PTPRG: variants seen among roughly 807,000 people sequenced by gnomAD.
PTPRG encodes the protein receptor-type tyrosine-protein phosphatase gamma.
A neutral mutation model predicts 165.3 loss-of-function variants in PTPRG; 102 were observed. That is an observed-to-expected ratio of 0.62 (90% confidence interval 0.53 to 0.73). The LOEUF (loss-of-function observed/expected upper bound fraction) is 0.73. Ranked by LOEUF, PTPRG falls within the 30% of genes least tolerant of loss-of-function variation. The pLI, the probability that PTPRG is intolerant of heterozygous loss-of-function variation, is 0.00. For missense variants in PTPRG, 1,866 were observed against 1,861.4 expected (o/e 1.00, Z -0.05); for synonymous variants, 675 against 669.5 (o/e 1.01, Z -0.13).
At chr3:61,801,281 G>A (rs534663033) in intron 2 of PTPRG, among the ~76,000 whole-genome samples, 4 of 150,254 alleles carry the variant, frequency 2.7e-5, no homozygotes, top group Admixed American at 2.0e-4. Flanking sequence ...TGGGGAGGGT[G>A]GTGTGCGCAC....
chr3:62,168,220 A>G (rs1705074661), intron 8 of PTPRG, 57 bp downstream of exon 8: 4 of 1,478,150 alleles, frequency 2.7e-6, no homozygotes, highest in Non-Finnish European at 3.7e-6. Flanking sequence ...AAATTACTTT[A>G]AATTAAAAGG....
chr3:61,908,413 A>G (rs79718054), intron 2 of PTPRG, among the ~76,000 whole-genome samples: 5 of 140,318 alleles, frequency 3.6e-5, no homozygotes, highest in Non-Finnish European at 4.6e-5. Flanking sequence ...CAACAGAGCA[A>G]AAAAAAAAAA....
At chr3:61,920,505 C>T (rs1190681479) in intron 2 of PTPRG, among the ~76,000 whole-genome samples, 1 of 152,188 alleles carries the variant, frequency 6.6e-6, no homozygotes, top group Non-Finnish European at 1.5e-5. Flanking sequence ...AAGTAATTCT[C>T]CTGCCTCAGC....
intron 5 of PTPRG, among the ~76,000 whole-genome samples, chr3:62,122,575 C>G (rs1703116825): frequency 6.6e-6 from 1 of 152,198 alleles, no homozygotes. Flanking sequence ...CACTCTGTGA[C>G]TTGTTCAGTG....
chr3:62,081,007 C>T (rs945827168), intron 5 of PTPRG, among the ~76,000 whole-genome samples: 119 of 152,098 alleles, frequency 7.8e-4, no homozygotes, highest in Middle Eastern at 3.4e-3. Flanking sequence ...CCTGTAATCC[C>T]AGCACTTTGG....
At chr3:61,615,866 C>T (rs138758188) in intron 1 of PTPRG, among the ~76,000 whole-genome samples, 5 of 152,216 alleles carry the variant, frequency 3.3e-5, no homozygotes, top group East Asian at 1.9e-4. Context: ...TGTACTCTGC[C>T]GGCCCTGGCT....
At chr3:61,990,388 A>G (rs1322773087) in intron 3 of PTPRG, among the ~76,000 whole-genome samples, 1 of 152,322 alleles carries the variant, frequency 6.6e-6, no homozygotes, top group Non-Finnish European at 1.5e-5. Context: ...ATTACTTCCG[A>G]GTACAGATGA....
intron 4 of PTPRG, among the ~76,000 whole-genome samples, chr3:62,056,384 C>A (rs554792732): frequency 1.3e-5 from 2 of 152,134 alleles, no homozygotes; most frequent in Non-Finnish European, 2.9e-5. Context: ...TGTGGCCCAA[C>A]ACAAATTTGT....
chr3:62,249,100 G>A (rs1701353170), intron 15 of PTPRG, among the ~76,000 whole-genome samples: 1 of 152,026 alleles, frequency 6.6e-6, no homozygotes, highest in African/African-American at 2.4e-5. Flanking sequence ...TTTTATGGCA[G>A]GAAATAAAAT....
At chr3:61,630,551 C>A (rs957266254) in intron 1 of PTPRG, among the ~76,000 whole-genome samples, 1 of 152,032 alleles carries the variant, frequency 6.6e-6, no homozygotes, top group South Asian at 2.1e-4. Context: ...TTCTGTTTTT[C>A]TTTGGAGAGC....
At chr3:62,123,735 C>G (rs950206539) in intron 5 of PTPRG, among the ~76,000 whole-genome samples, 1 of 152,072 alleles carries the variant, frequency 6.6e-6, no homozygotes, top group Non-Finnish European at 1.5e-5. Flanking sequence ...CAAGGTTTCA[C>G]TTAAATAGAT....
At chr3:61,579,289 T>A (rs1700231131) in intron 1 of PTPRG, among the ~76,000 whole-genome samples, 1 of 152,196 alleles carries the variant, frequency 6.6e-6, no homozygotes, top group Non-Finnish European at 1.5e-5. Context: ...TCTCCCCGTG[T>A]CCCTTCATGG....
chr3:61,917,540 A>C (rs1016508656), intron 2 of PTPRG, among the ~76,000 whole-genome samples: 1 of 152,214 alleles, frequency 6.6e-6, no homozygotes, highest in East Asian at 1.9e-4. Context: ...ATGTGTCAGC[A>C]TTCAGAGGGT....
intron 8 of PTPRG, among the ~76,000 whole-genome samples, chr3:62,186,345 C>T (rs1358367415): frequency 1.3e-5 from 2 of 152,164 alleles, no homozygotes; most frequent in East Asian, 1.9e-4. Flanking sequence ...GTCAGAGAAA[C>T]GCGAGCCCCT....
chr3:62,088,676 G>A (rs1701830135), intron 5 of PTPRG, among the ~76,000 whole-genome samples: 1 of 152,168 alleles, frequency 6.6e-6, no homozygotes, highest in African/African-American at 2.4e-5. Flanking sequence ...AGTAAACAGA[G>A]GTAAGAAGGT....
chr3:61,816,920 T>C (rs1331729943), intron 2 of PTPRG, among the ~76,000 whole-genome samples: 2 of 147,046 alleles, frequency 1.4e-5, no homozygotes, highest in Non-Finnish European at 3.0e-5. Flanking sequence ...TAAAATGAAA[T>C]GAAATATAAT....
chr3:61,562,611 C>G (rs6445224), intron 1 of PTPRG, among the ~76,000 whole-genome samples: 15 of 145,340 alleles, frequency 1.0e-4, no homozygotes, highest in South Asian at 2.2e-4. Context: ...CTGGGGGACG[C>G]GGGGGTCTGC....
chr3:61,912,820 A>G (rs2038836848), intron 2 of PTPRG, among the ~76,000 whole-genome samples: 2 of 152,120 alleles, frequency 1.3e-5, no homozygotes, highest in African/African-American at 4.8e-5. Context: ...ATTTTAGTTT[A>G]CTGGCAGGAA....
chr3:62,184,934 A>C (rs1016717958), intron 8 of PTPRG, among the ~76,000 whole-genome samples: 2 of 151,736 alleles, frequency 1.3e-5, no homozygotes, highest in African/African-American at 4.8e-5. Context: ...CTTGAACTGC[A>C]GATAGTTTAA....
Sources: allele counts gnomAD v4.1 joint callset (sites outside exome capture counted in the v4.1 genomes callset), GRCh38; gene constraint gnomAD v4.1.1; transcripts MANE v1.5; gene names NCBI Gene and HGNC (gene_info 2026-07-23, HGNC 2026-07-21).